CD247: variants seen among roughly 807,000 people sequenced by gnomAD.
The protein encoded by CD247 is CD247 molecule.
Under a neutral mutation model 30.0 loss-of-function variants are expected in CD247, and 13 were observed. That is an observed-to-expected ratio of 0.43 (90% CI 0.28 to 0.69). The LOEUF (loss-of-function observed/expected upper bound fraction) is 0.69. Ranked by LOEUF, CD247 falls within the 30% of genes least tolerant of loss-of-function variation. The probability of loss-of-function intolerance (pLI) is 0.16; values close to 1 mark genes in which losing one functional copy is unlikely to be tolerated. For missense variants in CD247, 193 were observed against 212.6 expected (o/e 0.91, Z 0.57); for synonymous variants, 72 against 80.0 (o/e 0.90, Z 0.53).
intron 1 of CD247, among the ~76,000 whole-genome samples, chr1:167,462,706 G>A (rs34073029): frequency 0.023 from 3,509 of 152,206 alleles, 148 homozygotes; most frequent in African/African-American, 0.08. Context: ...CCAAAGAATG[G>A]GACCAGTAAA....
chr1:167,435,882 G>C (rs1341337883), intron 4 of CD247, among the ~76,000 whole-genome samples: 2 of 152,222 alleles, frequency 1.3e-5, no homozygotes, highest in Non-Finnish European at 2.9e-5. Context: ...CTTGGATGGT[G>C]GGGGTGAGGA....
Position 167,431,660 on chromosome 1 carries a change from A to T in CD247, c.*21T>A. ...TGGGCGTCTGCAGGTCTGGCCTTTG[A>T]GTGGTGAAATCCCCTGGCTGTTAGC... On this transcript the variant is annotated 3_prime_UTR_variant, in exon 8 of 8. Coordinates refer to ENST00000362089, the MANE Select transcript of CD247 (RefSeq NM_198053.3). The T allele has an allele frequency of 6.2e-7, 1 of 1,607,974 alleles. No individual in the cohort carries two copies. The highest frequency in any genetic ancestry group is 8.5e-7 in the Non-Finnish European group (1 of 1,174,332).
At chr1:167,488,267 TAAAG>T (rs1470718137) in intron 1 of CD247, among the ~76,000 whole-genome samples, 1 of 152,176 alleles carries the variant, frequency 6.6e-6, no homozygotes, top group Non-Finnish European at 1.5e-5. Flanking sequence ...TAAGATGTGT[TAAAG>T]AAAAATAATT....
chr1:167,497,706 C>T (rs571658914), intron 1 of CD247, among the ~76,000 whole-genome samples: 49 of 152,254 alleles, frequency 3.2e-4, no homozygotes, highest in Admixed American at 2.8e-3. Flanking sequence ...GAGCTAGAAC[C>T]GCAAACTCTC....
chr1:167,439,088 T>A (rs1480355687), intron 3 of CD247, among the ~76,000 whole-genome samples: 1 of 152,220 alleles, frequency 6.6e-6, no homozygotes, highest in Non-Finnish European at 1.5e-5. Flanking sequence ...GGCTCACTAG[T>A]GGCAGGCACT....
intron 1 of CD247, among the ~76,000 whole-genome samples, chr1:167,515,849 G>A (rs768126081): frequency 7.2e-5 from 11 of 152,212 alleles, no homozygotes; most frequent in Non-Finnish European, 1.2e-4. Context: ...AAGACAGTCC[G>A]AGATGTAATA....
chr1:167,470,669 T>A (rs1477170186), intron 1 of CD247, among the ~76,000 whole-genome samples: 1 of 151,908 alleles, frequency 6.6e-6, no homozygotes, highest in Non-Finnish European at 1.5e-5. Flanking sequence ...AAAATTAGGA[T>A]CATATGTTAG....
chr1:167,489,519 A>G (rs951768795), intron 1 of CD247, among the ~76,000 whole-genome samples: 1 of 152,180 alleles, frequency 6.6e-6, no homozygotes, highest in East Asian at 1.9e-4. Flanking sequence ...TTCAGTGATG[A>G]GAGAAGCAAA....
chr1:167,476,636 A>G (rs1035197268), intron 1 of CD247, among the ~76,000 whole-genome samples: 5 of 152,174 alleles, frequency 3.3e-5, no homozygotes, highest in Non-Finnish European at 4.4e-5. Context: ...CAGCCTGTGC[A>G]ACATAGTGAA....
intron 1 of CD247, among the ~76,000 whole-genome samples, chr1:167,473,405 A>G (rs1653614704): frequency 6.6e-6 from 1 of 152,192 alleles, no homozygotes; most frequent in African/African-American, 2.4e-5. Context: ...GCCTACCTGC[A>G]GACCACCCAC....
intron 1 of CD247, among the ~76,000 whole-genome samples, chr1:167,488,107 A>G (rs1654292176): frequency 6.6e-6 from 1 of 152,162 alleles, no homozygotes; most frequent in African/African-American, 2.4e-5. Flanking sequence ...CAGCTATCAC[A>G]TGGAAATAAC....
chr1:167,496,860 C>T (rs576057054), intron 1 of CD247, among the ~76,000 whole-genome samples: 34 of 152,138 alleles, frequency 2.2e-4, no homozygotes, highest in Non-Finnish European at 3.8e-4. Context: ...AGGAGATCTC[C>T]ATCAGAAGGA....
intron 1 of CD247, among the ~76,000 whole-genome samples, chr1:167,470,616 A>G (rs991778697): frequency 4.6e-5 from 7 of 151,372 alleles, no homozygotes; most frequent in Admixed American, 6.6e-5. Context: ...ACATTTTGCT[A>G]TATTTTCTTC....
chr1:167,435,717 A>G (rs1651516250), intron 4 of CD247, among the ~76,000 whole-genome samples: 2 of 152,234 alleles, frequency 1.3e-5, no homozygotes, highest in Admixed American at 6.5e-5. Flanking sequence ...ACGCCCACAC[A>G]CATCACAAGC....
chr1:167,441,948 T>C (rs187955205), intron 1 of CD247, among the ~76,000 whole-genome samples: 16 of 152,172 alleles, frequency 1.1e-4, no homozygotes, highest in Admixed American at 9.8e-4. Flanking sequence ...CCATCTCTAC[T>C]AAAAATACGA....
At chr1:167,436,007 T>G (rs892586733) in intron 4 of CD247, among the ~76,000 whole-genome samples, 2 of 152,202 alleles carry the variant, frequency 1.3e-5, no homozygotes, top group African/African-American at 4.8e-5. Context: ...ACTGGCAGCA[T>G]CTGGCAGCAC....
At position 167,496,117 on chromosome 1, in the gene CD247, T is replaced by C. The variant is rs35057783; in HGVS notation, c.58+22291A>G. 1.2e-4 allele frequency among the ~76,000 whole-genome samples: 19 copies of C among 152,322 alleles called. No homozygotes were observed. The East Asian group carries it at 2.7e-3, about 22-fold the overall frequency. ...TTCCTGCTACATAGTAAATAATAAA[T>C]ATTGGTTGAATAAATAAATGAATGA... is the stretch of plus-strand genomic sequence containing the variant. On this transcript the variant is annotated intron_variant, in intron 1 of 7. Coordinates refer to ENST00000362089, the MANE Select transcript of CD247 (RefSeq NM_198053.3).
intron 1 of CD247, among the ~76,000 whole-genome samples, chr1:167,446,694 A>AT (rs1652096447): frequency 6.6e-6 from 1 of 152,176 alleles, no homozygotes; most frequent in Non-Finnish European, 1.5e-5. Context: ...GTGTTTGAAG[A>AT]TAAAAACAGA....
intron 1 of CD247, among the ~76,000 whole-genome samples, chr1:167,474,326 C>T (rs978193895): frequency 3.9e-5 from 6 of 152,078 alleles, no homozygotes; most frequent in Non-Finnish European, 7.4e-5. Context: ...GCACAGTCAA[C>T]GCATCACTGA....
Sources: gnomAD v4.1 joint callset for allele counts (sites outside exome capture counted in the v4.1 genomes callset) on GRCh38, gnomAD v4.1.1 for gene constraint, MANE v1.5 for transcripts, NCBI Gene and HGNC (gene_info 2026-07-23, HGNC 2026-07-21) for gene names.